Variants in CCDC61 observed in about 807,000 individuals in gnomAD.
CCDC61 encodes the protein coiled-coil domain containing 61, also known as centrosomal protein CCDC61.
In CCDC61, 55 loss-of-function variants were observed where a neutral mutation model predicts 63.0. The ratio of observed to expected loss-of-function variants is 0.87; its 90% CI spans 0.70 to 1.09. The LOEUF (loss-of-function observed/expected upper bound fraction) is 1.09. CCDC61 is among the 50% of genes least tolerant of loss of function. The probability of loss-of-function intolerance (pLI) is 0.00; values close to 1 mark genes in which losing one functional copy is unlikely to be tolerated. For synonymous variants in CCDC61, 270 were observed against 317.0 expected, an observed-to-expected ratio of 0.85 and a Z score of 1.58; for missense variants, 651 against 731.4, an observed-to-expected ratio of 0.89 and a Z score of 1.27.
intron 4 of CCDC61, among the ~76,000 whole-genome samples, chr19:46,007,053 CTTT>C (rs35425844): frequency 7.2e-6 from 1 of 139,142 alleles, no homozygotes; most frequent in African/African-American, 2.7e-5. Flanking sequence ...AATGTGTTGG[CTTT>C]TTTTTTTTTT....
At chr19:46,012,729 G>A (rs1968852024) in intron 5 of CCDC61, among the ~76,000 whole-genome samples, 1 of 151,862 alleles carries the variant, frequency 6.6e-6, no homozygotes, top group African/African-American at 2.4e-5. Flanking sequence ...AGACCCTCCT[G>A]CCCCAACCAT....
chr19:46,003,599 T>A, intron 3 of CCDC61, 98 bp downstream of exon 3: 3 of 725,924 alleles, frequency 4.1e-6, no homozygotes, highest in Non-Finnish European at 6.8e-6. Flanking sequence ...ACCCTCTACC[T>A]TCTCTTTCAT....
At chr19:46,006,227 T>C (rs1968706494) in intron 3 of CCDC61, among the ~76,000 whole-genome samples, 1 of 152,190 alleles carries the variant, frequency 6.6e-6, no homozygotes, top group Admixed American at 6.5e-5. Flanking sequence ...AAAAGACAAA[T>C]GACGTCTTTG....
chr19:46,000,054 GC>G (rs1383965232), intron 1 of CCDC61: 1 of 985,286 alleles, frequency 1.0e-6, no homozygotes, highest in African/African-American at 1.7e-5. Flanking sequence ...GATGGAGGAT[GC>G]AGGTAGAGGG....
chr19:46,015,477 G>T lies in CCDC61; in HGVS notation c.845+50G>T. On this transcript the variant is annotated intron_variant, in intron 7 of 13. Transcript: ENST00000595358. The surrounding 1 kb of genome is among the most constrained non-coding windows in gnomAD (Gnocchi z 5.3). ...CTGGGCGGATGGGCGGGCCCTGAGG[G>T]TGTGGAGGCTGATGAGGCGGAGCCT... The T allele has an allele frequency of 6.6e-7, 1 of 1,519,140 alleles. No individual in the cohort carries two copies. Among genetic ancestry groups the T allele is most frequent in the African/African-American group, 1.4e-5 (1 of 72,504 alleles). The allele number at this position is 1,519,140 out of a possible 1,614,324, so 94.1% of individuals were successfully genotyped here.
At chr19:46,006,246 T>C (rs73570774) in intron 3 of CCDC61, among the ~76,000 whole-genome samples, 6 of 152,332 alleles carry the variant, frequency 3.9e-5, no homozygotes, top group Admixed American at 2.6e-4. Context: ...TGTATTATTA[T>C]GAAAGTAGCT....
Position 46,018,060 on chromosome 19 carries a change from T to C in CCDC61, c.1369-18T>C. ...AGGGACGGTGGGTGACCCCCTTTCC[T>C]ACCTTCCCCATCACCAGAAGTCTCC... On this transcript the variant is annotated intron_variant, in intron 12 of 13. Transcript: ENST00000595358. This position sits in a 1 kb window ranked among gnomAD's most constrained non-coding sequence, Gnocchi z 4.2. The C allele has an allele frequency of 6.2e-7, 1 of 1,601,494 alleles. No individual in the cohort carries two copies. Among genetic ancestry groups the C allele is most frequent in the Non-Finnish European group, 8.5e-7 (1 of 1,174,138 alleles).
At chr19:46,017,962 G>C (rs1239191706) in intron 12 of CCDC61, 116 bp from the exon 13 acceptor site, 2 of 815,682 alleles carry the variant, frequency 2.5e-6, no homozygotes, top group East Asian at 5.4e-5. Context: ...ATGGCCAGTA[G>C]GTGTCAGGCC....
At position 46,016,255 on chromosome 19, in the gene CCDC61, A is replaced by T; in HGVS notation, c.1015+32A>T. 1.3e-6 allele frequency: 2 copies of T among 1,598,908 alleles called. No individual in the cohort carries two copies. The highest frequency in any genetic ancestry group is 1.7e-6 in the Non-Finnish European group (2 of 1,172,724). ...GCCCCTGCCCTGCGGTAGGGAGGGG[A>T]CGCACTGGCGCTGCCAAGGCCCGTC... is the stretch of plus-strand genomic sequence containing the variant. On this transcript the variant is annotated intron_variant, in intron 8 of 13. Transcript: ENST00000595358. This position sits in a 1 kb window ranked among gnomAD's most constrained non-coding sequence, Gnocchi z 7.2.
intron 3 of CCDC61, 27 bp downstream of exon 3, chr19:46,003,528 T>TTTGGGGGGTGGGGGG: frequency 1.1e-6 from 1 of 883,180 alleles, no homozygotes; most frequent in Non-Finnish European, 1.7e-6. Flanking sequence ...CGGGTTGGGG[T>TTTGGGGGGTGGGGGG]GGGAGGGGGG....
In CCDC61 at chr19:46,012,547, T is replaced by C. The variant is rs180843520; in HGVS notation, c.552-2502T>C. On this transcript the variant is annotated intron_variant, in intron 5 of 13. Coordinates refer to ENST00000595358, the MANE Select transcript of CCDC61 (RefSeq NM_001267723.2). ...CTGTAGCCCCAGCTACTCGGGAGGC[T>C]GAGACAGGAGAATCACTTGAACCCA... Among the ~76,000 whole-genome samples the C allele has an allele frequency of 5.3e-3, 810 of 151,688 alleles. 10 individuals carry two copies. Among genetic ancestry groups the C allele is most frequent in the African/African-American group, 0.017 (716 of 41,320 alleles).
chr19:46,016,210 G>T lies in CCDC61; in HGVS notation c.1002G>T (p.Ser334=). 1.4e-6 allele frequency: 2 copies of T among 1,434,168 alleles called. No homozygotes were observed. Among genetic ancestry groups the T allele is most frequent in the Non-Finnish European group, 9.1e-7 (1 of 1,096,174 alleles). The allele number at this position is 1,434,168 out of a possible 1,614,324, so 88.8% of individuals were successfully genotyped here. ...SRGRGRPARP[S]PSPTGGRALR... is the part of the protein sequence containing the mutation. Reference sequence around the variant, plus strand: ...GTCGGGGCCGCCCTGCGCGCCCCTCGCCCTCGCCCACAGGTCTGTGCCCCT... The same window carrying T: ...GTCGGGGCCGCCCTGCGCGCCCCTCTCCCTCGCCCACAGGTCTGTGCCCCT... The change falls in exon 8 of 14, where the codon TCG becomes TCT. Residue 334 remains serine, a synonymous_variant. Coordinates refer to ENST00000595358, the MANE Select transcript of CCDC61 (RefSeq NM_001267723.2). This position sits in a 1 kb window ranked among gnomAD's most constrained non-coding sequence, Gnocchi z 7.2.
intron 1 of CCDC61, among the ~76,000 whole-genome samples, chr19:46,000,753 G>GT (rs1162860151): frequency 1.3e-5 from 2 of 151,846 alleles, no homozygotes; most frequent in Non-Finnish European, 1.5e-5. Flanking sequence ...TGAGAGAGGT[G>GT]TAAGTGTGCA....
chr19:46,003,252 C>A, intron 2 of CCDC61, 86 bp downstream of exon 2: 1 of 1,485,580 alleles, frequency 6.7e-7, no homozygotes, highest in Non-Finnish European at 9.0e-7. Context: ...GAATCCTGCC[C>A]ACCTGCCTCT....
In CCDC61 at chr19:46,015,369, C is replaced by A. The variant is rs377102403; in HGVS notation, c.787C>A (p.Arg263=). Residue 263 remains arginine (R), a synonymous_variant, in exon 7 of 14, where the codon CGG becomes AGG. Coordinates refer to ENST00000595358, the MANE Select transcript of CCDC61 (RefSeq NM_001267723.2). This position sits in a 1 kb window ranked among gnomAD's most constrained non-coding sequence, Gnocchi z 5.3. Reference sequence around the variant, plus strand: ...GCTCGAGGAGGCGAAGGCATCGGAGCGGAGCCTGCGCGCCCGGCTGAAGAC... The same window carrying A: ...GCTCGAGGAGGCGAAGGCATCGGAGAGGAGCCTGCGCGCCCGGCTGAAGAC... ...KELEEAKASE[R]SLRARLKTLT... is the part of the protein sequence containing the mutation. The A allele has an allele frequency of 1.8e-5, 29 of 1,602,988 alleles. No homozygotes were observed. Among genetic ancestry groups the A allele is most frequent in the Non-Finnish European group, 2.5e-5 (29 of 1,179,024 alleles).
intron 4 of CCDC61, 109 bp from the exon 5 acceptor site, chr19:46,008,031 G>T (rs772064572): frequency 1.0e-4 from 129 of 1,234,762 alleles, no homozygotes; most frequent in Non-Finnish European, 1.4e-4. Context: ...GGACAGTGCA[G>T]TTTTTGGAAT....
chr19:46,008,164 G>T lies in CCDC61; in HGVS notation c.414G>T (p.Pro138=), dbSNP rs202090168. Residue 138 remains proline, a synonymous_variant, in exon 5 of 14, where the codon CCG becomes CCT. Coordinates refer to ENST00000595358, the MANE Select transcript of CCDC61 (RefSeq NM_001267723.2). ...GGATTCACTACCCGCTGCCCCTCCC[G>T]TACCAGGGCAAGCCAGACCCCGTGG... is the stretch of plus-strand genomic sequence containing the variant. ...FDRIHYPLPL[P]YQGKPDPVVL... is the part of the protein sequence containing the mutation. The T allele has an allele frequency of 6.2e-7, 1 of 1,611,614 alleles. No homozygotes were observed. Among genetic ancestry groups the T allele is most frequent in the East Asian group, 2.2e-5 (1 of 44,798 alleles).
At chr19:46,013,432 C>T (rs1317372881) in intron 5 of CCDC61, among the ~76,000 whole-genome samples, 2 of 152,124 alleles carry the variant, frequency 1.3e-5, no homozygotes, top group Admixed American at 6.5e-5. Flanking sequence ...GCTGGGATTA[C>T]AAGTGTGAGC....
At chr19:46,014,839 G>A (rs979863758) in intron 5 of CCDC61, among the ~76,000 whole-genome samples, 2 of 152,256 alleles carry the variant, frequency 1.3e-5, no homozygotes, top group Admixed American at 6.5e-5. Flanking sequence ...TGTCCTCTTC[G>A]TGAGGTGCAT....
Sources: allele counts gnomAD v4.1 joint callset (sites outside exome capture counted in the v4.1 genomes callset), GRCh38; gene constraint gnomAD v4.1.1; non-coding constraint Gnocchi (gnomAD v3.1); transcripts MANE v1.5; gene names NCBI Gene and HGNC (gene_info 2026-07-23, HGNC 2026-07-21).